SUFU: variants seen among roughly 807,000 people sequenced by gnomAD.
The protein encoded by SUFU is suppressor of fused homolog.
In SUFU, 7 loss-of-function variants were observed where a neutral mutation model predicts 58.9. The ratio of observed to expected loss-of-function variants is 0.12; its 90% CI spans 0.07 to 0.22. SUFU has a LOEUF of 0.22. Among genes scored for constraint, SUFU ranks in the 10% least tolerant of loss-of-function variants. The pLI is 1.00. For synonymous variants in SUFU, 232 were observed against 254.8 expected, an observed-to-expected ratio of 0.91 and a Z score of 0.85; for missense variants, 451 against 641.3, an observed-to-expected ratio of 0.70 and a Z score of 3.20.
chr10:102,613,804 A>T (rs2063651568), intron 8 of SUFU, among the ~76,000 whole-genome samples: 1 of 152,204 alleles, frequency 6.6e-6, no homozygotes, highest in Non-Finnish European at 1.5e-5. Flanking sequence ...AAATCTTAGA[A>T]TGCAAAGGGA....
intron 8 of SUFU, among the ~76,000 whole-genome samples, chr10:102,611,868 T>C (rs1259483606): frequency 6.6e-6 from 1 of 152,192 alleles, no homozygotes; most frequent in African/African-American, 2.4e-5. Flanking sequence ...CTTGGCCCCA[T>C]GCCCCTGGCA....
intron 10 of SUFU, among the ~76,000 whole-genome samples, chr10:102,623,254 T>G (rs2063757598): frequency 6.6e-6 from 1 of 152,218 alleles, no homozygotes; most frequent in Non-Finnish European, 1.5e-5. Context: ...ATATTATTTC[T>G]ACTGCTACTT....
intron 10 of SUFU, among the ~76,000 whole-genome samples, chr10:102,622,852 A>G (rs917606640): frequency 6.6e-6 from 1 of 151,142 alleles, no homozygotes; most frequent in Non-Finnish European, 1.5e-5. Context: ...TTAGCTGGGC[A>G]TGGTGGCACA....
chr10:102,585,362 A>G (rs1026598698), intron 3 of SUFU, among the ~76,000 whole-genome samples: 4 of 152,188 alleles, frequency 2.6e-5, no homozygotes, highest in African/African-American at 9.7e-5. Flanking sequence ...TTCACTTAGC[A>G]TAATGTCTTT....
In SUFU at chr10:102,617,718, TG is replaced by T; in HGVS notation, c.1296+292del. ...TCTGGTTCCCCGTGGAAATCCAGGT[TG>T]GAGGGATATAAGACTTTCTGCACCT... On this transcript the variant is annotated intron_variant, in intron 10 of 11. Coordinates refer to ENST00000369902, the MANE Select transcript of SUFU (RefSeq NM_016169.4). This position sits in a 1 kb window ranked among gnomAD's most constrained non-coding sequence, Gnocchi z 4.4. 2 of 597,608 alleles carry T rather than the reference TG, an allele frequency of 3.3e-6. No individual in the cohort carries two copies. The highest frequency in any genetic ancestry group is 6.0e-6 in the Non-Finnish European group (2 of 333,902). The allele number at this position is 597,608 out of a possible 1,614,324, so 37.0% of individuals were successfully genotyped here. A position where few individuals can be genotyped will look rare whatever the true frequency, so the allele number is the denominator to read the frequency against.
At chr10:102,595,084 G>C (rs976034498) in intron 6 of SUFU, among the ~76,000 whole-genome samples, 4 of 152,118 alleles carry the variant, frequency 2.6e-5, no homozygotes, top group African/African-American at 7.2e-5. Flanking sequence ...AATGTTACCT[G>C]CCTGGTGTCT....
intron 2 of SUFU, among the ~76,000 whole-genome samples, chr10:102,547,535 A>G (rs756136416): frequency 3.9e-5 from 6 of 152,218 alleles, no homozygotes; most frequent in Non-Finnish European, 5.9e-5. Flanking sequence ...ATTTAAACAT[A>G]GTTGGGCCAG....
chr10:102,529,910 A>T (rs1180307651), intron 2 of SUFU, among the ~76,000 whole-genome samples: 2 of 150,846 alleles, frequency 1.3e-5, no homozygotes, highest in Non-Finnish European at 2.9e-5. Context: ...GCGCCACTGC[A>T]CTCCAGCCTA....
chr10:102,619,157 C>G lies in SUFU; in HGVS notation c.1296+1729C>G. On this transcript the variant is annotated intron_variant, in intron 10 of 11. Transcript: ENST00000369902. This position sits in a 1 kb window ranked among gnomAD's most constrained non-coding sequence, Gnocchi z 4.2. ...AGTCAGCATCTCCAATTTTCAGCAG[C>G]TCAAGAACCTTGGCCCCCACAGGAC... 1.3e-5 allele frequency: 21 copies of G among 1,611,492 alleles called. No individual in the cohort carries two copies. Among genetic ancestry groups the G allele is most frequent in the Non-Finnish European group, 1.7e-5 (20 of 1,179,774 alleles).
At chr10:102,581,180 C>CAAAAAAA (rs71016393) in intron 3 of SUFU, among the ~76,000 whole-genome samples, 10 of 75,678 alleles carry the variant, frequency 1.3e-4, no homozygotes, top group Non-Finnish European at 2.0e-4. Context: ...ACTCTGTCTC[C>CAAAAAAA]AAAAAAAAAA....
intron 3 of SUFU, among the ~76,000 whole-genome samples, chr10:102,589,121 T>C (rs940272562): frequency 2.0e-5 from 3 of 152,036 alleles, no homozygotes; most frequent in Non-Finnish European, 4.4e-5. Flanking sequence ...AGATGGGTGT[T>C]CTTGCTCTGT....
At position 102,619,605 on chromosome 10, in the gene SUFU, GA is replaced by G; in HGVS notation, c.1296+2178del. On this transcript the variant is annotated intron_variant, in intron 10 of 11. Transcript: ENST00000369902. The surrounding 1 kb of genome is among the most constrained non-coding windows in gnomAD (Gnocchi z 4.2). The stretch of plus-strand genomic sequence containing the variant: ...AGGGGTTTCTCAGGCCCTTTCCAAG[GA>G]GCCCTGGGAAACCCTCTGACCCTGC... 1 of 730,152 alleles carries G rather than the reference GA, an allele frequency of 1.4e-6. No homozygotes were observed. Among genetic ancestry groups the G allele is most frequent in the Non-Finnish European group, 1.7e-6 (1 of 581,716 alleles). The allele number at this position is 730,152 out of a possible 1,614,324, so 45.2% of individuals were successfully genotyped here. A position where few individuals can be genotyped will look rare whatever the true frequency, so the allele number is the denominator to read the frequency against.
At position 102,504,224 on chromosome 10, in the gene SUFU, G is replaced by A. The variant is rs1322344970; in HGVS notation, c.72G>A (p.Pro24=). The A allele has an allele frequency of 8.1e-7, 1 of 1,230,350 alleles. No homozygotes were observed. The highest frequency in any genetic ancestry group is 2.1e-5 in the Admixed American group (1 of 47,672). The allele number at this position is 1,230,350 out of a possible 1,614,324, so 76.2% of individuals were successfully genotyped here. ...CGGCCCCTGGCCCGACTGCCCCCCC[G>A]GCCTTCGCTTCGCTCTTTCCCCCGG... ...APPAPGPTAP[P]AFASLFPPGL... Residue 24 remains proline, a synonymous_variant, in exon 1 of 12, where the codon CCG becomes CCA. Coordinates refer to ENST00000369902, the MANE Select transcript of SUFU (RefSeq NM_016169.4).
intron 3 of SUFU, among the ~76,000 whole-genome samples, chr10:102,551,793 C>T (rs1219888575): frequency 7.7e-6 from 1 of 129,670 alleles, no homozygotes; most frequent in Non-Finnish European, 1.6e-5. Flanking sequence ...GGTGCGATCT[C>T]GGCTCACTAC....
intron 8 of SUFU, 108 bp from the exon 9 acceptor site, chr10:102,615,160 G>C (rs2063671652): frequency 7.3e-6 from 11 of 1,504,626 alleles, no homozygotes; most frequent in African/African-American, 5.5e-5. Flanking sequence ...ATTATCATCA[G>C]TCACCATTAT....
chr10:102,622,611 G>A lies in SUFU; in HGVS notation c.1297-4564G>A, dbSNP rs551738154. On this transcript the variant is annotated intron_variant, in intron 10 of 11. Transcript: ENST00000369902. ...CAAAAAATTAGCCGGGCATGGCGGC[G>A]GGCGCCTGTAGTCCCAGCTTGTTTG... 1.8e-3 allele frequency among the ~76,000 whole-genome samples: 274 copies of A among 152,078 alleles called. 1 individual carries two copies. The highest frequency in any genetic ancestry group is 5.9e-3 in the African/African-American group (245 of 41,496).
chr10:102,544,098 C>G (rs931519823), intron 2 of SUFU, among the ~76,000 whole-genome samples: 1 of 151,906 alleles, frequency 6.6e-6, no homozygotes, highest in East Asian at 1.9e-4. Context: ...GACCCTGTCT[C>G]ACAAAAAAAA....
chr10:102,573,606 T>C (rs529092246), intron 3 of SUFU, among the ~76,000 whole-genome samples: 2 of 152,348 alleles, frequency 1.3e-5, no homozygotes, highest in South Asian at 4.1e-4. Context: ...AAACAAAGTA[T>C]GGTATATACA....
chr10:102,576,911 G>A (rs2063217294), intron 3 of SUFU, among the ~76,000 whole-genome samples: 1 of 151,800 alleles, frequency 6.6e-6, no homozygotes, highest in Admixed American at 6.6e-5. Flanking sequence ...GGGTCTCACT[G>A]TGTTGCCCAG....
Sources: gnomAD v4.1 joint callset for allele counts (sites outside exome capture counted in the v4.1 genomes callset) on GRCh38, gnomAD v4.1.1 for gene constraint, Gnocchi (gnomAD v3.1) non-coding constraint, MANE v1.5 for transcripts, NCBI Gene and HGNC (gene_info 2026-07-23, HGNC 2026-07-21) for gene names.